Variants in ESYT2 observed in about 807,000 individuals in gnomAD.
ESYT2 encodes the protein extended synaptotagmin-2.
Under a neutral mutation model 107.2 loss-of-function variants are expected in ESYT2, and 54 were observed. That is an observed-to-expected ratio of 0.50 (90% CI 0.40 to 0.63). The LOEUF is 0.63. Among genes scored for constraint, ESYT2 ranks in the 30% least tolerant of loss-of-function variants. The probability of loss-of-function intolerance (pLI) is 0.00; values close to 1 mark genes in which losing one functional copy is unlikely to be tolerated. For synonymous variants in ESYT2, 491 were observed against 434.1 expected, an observed-to-expected ratio of 1.13 and a Z score of -1.63; for missense variants, 1,020 against 1,094.5, an observed-to-expected ratio of 0.93 and a Z score of 0.96.
chr7:158,797,352 T>C (rs1374264379), intron 3 of ESYT2, among the ~76,000 whole-genome samples: 6 of 152,028 alleles, frequency 3.9e-5, no homozygotes, highest in Non-Finnish European at 7.4e-5. Flanking sequence ...TCCCACTTTG[T>C]TGCCCAGGCT....
At position 158,829,372 on chromosome 7, in the gene ESYT2, G is replaced by C. The variant is rs996303046; in HGVS notation, c.47C>G (p.Ala16Gly). The stretch of plus-strand genomic sequence containing the variant: ...GTTCTCAGGCGCCGCGCGGCCCCCA[G>C]CCCCGCCGGCGCCCGCCTCCGGGCC... ...GEGPEAGAGG[A>G]GGRAAPENPG... Residue 16 changes from alanine to glycine, a missense_variant, in exon 1 of 23, where the codon GCT becomes GGT. By Grantham distance (60) the Ala-to-Gly change is moderately conservative (BLOSUM62 0). Transcript: ENST00000275418. 2.4e-6 allele frequency: 3 copies of C among 1,265,320 alleles called. No homozygotes were observed. Among genetic ancestry groups the C allele is most frequent in the South Asian group, 2.6e-5 (1 of 38,018 alleles). 78.4% of individuals were successfully genotyped at this position (1,265,320 alleles called of 1,614,324 possible).
intron 6 of ESYT2, among the ~76,000 whole-genome samples, chr7:158,784,769 T>C (rs1839049863): frequency 6.6e-6 from 1 of 152,212 alleles, no homozygotes; most frequent in African/African-American, 2.4e-5. Flanking sequence ...AGGATTCAAT[T>C]TCTTCTCATA....
At chr7:158,809,398 C>A (rs1839927411) in intron 1 of ESYT2, among the ~76,000 whole-genome samples, 1 of 143,614 alleles carries the variant, frequency 7.0e-6, no homozygotes, top group Admixed American at 7.3e-5. Flanking sequence ...ATCGCTTGAA[C>A]CTGGGAGGCG....
At chr7:158,825,736 T>C (rs62475602) in intron 1 of ESYT2, among the ~76,000 whole-genome samples, 16,603 of 152,298 alleles carry the variant, frequency 0.11, 938 homozygotes, top group African/African-American at 0.13. Context: ...TGTTTTCCTA[T>C]GTTTCCACTC....
At chr7:158,826,896 G>A (rs1016013219) in intron 1 of ESYT2, among the ~76,000 whole-genome samples, 38 of 151,868 alleles carry the variant, frequency 2.5e-4, no homozygotes, top group African/African-American at 7.3e-4. Flanking sequence ...CGGGCGCGGT[G>A]GCTCACGCCT....
intron 1 of ESYT2, among the ~76,000 whole-genome samples, chr7:158,810,381 G>A (rs944372591): frequency 6.6e-6 from 1 of 152,168 alleles, no homozygotes; most frequent in Non-Finnish European, 1.5e-5. Flanking sequence ...ACACTATCTA[G>A]TAAGTGAAAG....
chr7:158,787,385 G>GC (rs1839148916), intron 6 of ESYT2, among the ~76,000 whole-genome samples: 1 of 152,168 alleles, frequency 6.6e-6, no homozygotes, highest in African/African-American at 2.4e-5. Flanking sequence ...CTGGTCCCAA[G>GC]CATCTCCGAT....
intron 1 of ESYT2, among the ~76,000 whole-genome samples, chr7:158,816,849 T>C (rs1441047691): frequency 7.9e-5 from 12 of 152,256 alleles, no homozygotes; most frequent in Non-Finnish European, 1.5e-5. Context: ...AGGAAGAGTA[T>C]TGTTACTTTG....
At chr7:158,756,192 A>C (rs1266287774) in intron 13 of ESYT2, among the ~76,000 whole-genome samples, 1 of 152,194 alleles carries the variant, frequency 6.6e-6, no homozygotes, top group Non-Finnish European at 1.5e-5. Flanking sequence ...CTAAGGGACA[A>C]CTGGGCCGTA....
At chr7:158,804,369 T>TGC (rs2129473746) in intron 1 of ESYT2, among the ~76,000 whole-genome samples, 1 of 73,274 alleles carries the variant, frequency 1.4e-5, no homozygotes, top group Non-Finnish European at 2.6e-5. Context: ...ACCCAAACCG[T>TGC]TGAGAAGGGT....
At chr7:158,782,184 AAAG>A (rs1340886421) in intron 6 of ESYT2, among the ~76,000 whole-genome samples, 5 of 151,386 alleles carry the variant, frequency 3.3e-5, no homozygotes, top group African/African-American at 9.7e-5. Context: ...TGTGAGTGTG[AAAG>A]AACAAGTGAG....
chr7:158,809,413 T>C (rs1303015779), intron 1 of ESYT2, among the ~76,000 whole-genome samples: 1 of 138,024 alleles, frequency 7.2e-6, no homozygotes, highest in Non-Finnish European at 1.5e-5. Flanking sequence ...GAGGCGAAGG[T>C]TGCAGTGAGC....
chr7:158,802,401 C>T lies in ESYT2; in HGVS notation c.331-3329G>A, dbSNP rs542118214. 7.9e-5 allele frequency among the ~76,000 whole-genome samples: 12 copies of T among 152,298 alleles called. No homozygotes were observed. The East Asian group carries it at 2.3e-3, about 29-fold the overall frequency. ...TCCCGGGTTCAAGCAATTCTCCTGC[C>T]TCTCGAGTAGCTGGGACTACAGGTG... On this transcript the variant is annotated intron_variant, in intron 1 of 22. Coordinates refer to ENST00000275418, the MANE Select transcript of ESYT2 (RefSeq NM_001367773.1).
intron 18 of ESYT2, among the ~76,000 whole-genome samples, chr7:158,739,334 C>T (rs969819609): frequency 3.9e-5 from 6 of 152,082 alleles, no homozygotes; most frequent in African/African-American, 1.4e-4. Context: ...TTATTCAAAA[C>T]TGACATTATT....
intron 6 of ESYT2, among the ~76,000 whole-genome samples, chr7:158,784,085 G>A (rs1034696910): frequency 6.6e-6 from 1 of 152,190 alleles, no homozygotes; most frequent in African/African-American, 2.4e-5. Flanking sequence ...CTCTGGGAGA[G>A]CTCTGGCCCC....
chr7:158,823,597 A>AT (rs1467539901), intron 1 of ESYT2, among the ~76,000 whole-genome samples: 3 of 152,088 alleles, frequency 2.0e-5, no homozygotes, highest in Non-Finnish European at 4.4e-5. Context: ...AAGAGCAGAG[A>AT]TTACAGGTGT....
intron 6 of ESYT2, among the ~76,000 whole-genome samples, chr7:158,773,870 G>C (rs1481158208): frequency 6.6e-6 from 1 of 152,168 alleles, no homozygotes; most frequent in Non-Finnish European, 1.5e-5. Context: ...CAAAGTGTAT[G>C]AAAATGTCCT....
At chr7:158,771,602 C>G (rs186865493) in intron 7 of ESYT2, among the ~76,000 whole-genome samples, 58 of 152,280 alleles carry the variant, frequency 3.8e-4, no homozygotes, top group African/African-American at 1.4e-3. Context: ...TGAAAACAAG[C>G]CCACGAGGGA....
At chr7:158,787,128 G>C (rs1253282171) in intron 6 of ESYT2, among the ~76,000 whole-genome samples, 1 of 152,184 alleles carries the variant, frequency 6.6e-6, no homozygotes, top group Non-Finnish European at 1.5e-5. Context: ...GAGGCTGCAG[G>C]AGCCCAGGGA....
Sources: allele counts gnomAD v4.1 joint callset (sites outside exome capture counted in the v4.1 genomes callset), GRCh38; gene constraint gnomAD v4.1.1; transcripts MANE v1.5; gene names NCBI Gene and HGNC (gene_info 2026-07-23, HGNC 2026-07-21).